Variants in FGF9 observed in about 807,000 individuals in gnomAD.
FGF9 encodes fibroblast growth factor 9.
Under a neutral mutation model 19.9 loss-of-function variants are expected in FGF9, and 3 were observed. The observed-to-expected ratio is 0.15, with a 90% CI of 0.07 to 0.39. The LOEUF is 0.39. Among genes scored for constraint, FGF9 ranks in the 10% least tolerant of loss-of-function variants. The pLI, the probability that FGF9 is intolerant of heterozygous loss-of-function variation, is 1.00. For synonymous variants in FGF9, 107 were observed against 106.9 expected, an observed-to-expected ratio of 1.00 and a Z score of -0.01; for missense variants, 175 against 256.8, an observed-to-expected ratio of 0.68 and a Z score of 2.18.
intron 2 of FGF9, among the ~76,000 whole-genome samples, chr13:21,692,524 C>A (rs1358986636): frequency 6.6e-6 from 1 of 152,226 alleles, no homozygotes; most frequent in African/African-American, 2.4e-5. Context: ...ACTGGCCCTG[C>A]AGCCATGGGC....
At position 21,701,577 on chromosome 13, in the gene FGF9, C is replaced by T; in HGVS notation, c.*142C>T. On this transcript the variant is annotated 3_prime_UTR_variant, in exon 3 of 3. Coordinates refer to ENST00000382353, the MANE Select transcript of FGF9 (RefSeq NM_002010.3). ...TCGCATGCATAATGTATGATGGAGG[C>T]TTGGATGGGAATATGCTGATTTTGT... 1 of 1,186,600 alleles carries T rather than the reference C, an allele frequency of 8.4e-7. No homozygotes were observed. Among genetic ancestry groups the T allele is most frequent in the Non-Finnish European group, 1.2e-6 (1 of 810,624 alleles). 73.5% of individuals were successfully genotyped at this position (1,186,600 alleles called of 1,614,324 possible).
intron 1 of FGF9, among the ~76,000 whole-genome samples, chr13:21,674,633 A>C (rs1415398226): frequency 2.0e-5 from 3 of 151,722 alleles, no homozygotes; most frequent in Non-Finnish European, 2.9e-5. Context: ...GTGCAGCACG[A>C]CTGGGCCCTG....
rs900839325 is a variant in FGF9, at chr13:21,671,465, G to C, written c.-448G>C. The C allele has an allele frequency of 4.6e-6, 2 of 434,618 alleles. No individual in the cohort carries two copies. Among genetic ancestry groups the C allele is most frequent in the Non-Finnish European group, 8.1e-6 (2 of 247,554 alleles). 26.9% of individuals were successfully genotyped at this position (434,618 alleles called of 1,614,324 possible). Reference sequence around the variant, plus strand: ...GCATGCCTTCCTGGAGTCAGGATCCGTAAATTCTGACGTAGCCCGTGCATC... The same window carrying C: ...GCATGCCTTCCTGGAGTCAGGATCCCTAAATTCTGACGTAGCCCGTGCATC... On this transcript the variant is annotated 5_prime_UTR_variant, in exon 1 of 3. Coordinates refer to ENST00000382353, the MANE Select transcript of FGF9 (RefSeq NM_002010.3).
At chr13:21,682,232 T>C (rs1449319549) in intron 2 of FGF9, among the ~76,000 whole-genome samples, 1 of 152,078 alleles carries the variant, frequency 6.6e-6, no homozygotes, top group Non-Finnish European at 1.5e-5. Context: ...AGGCTGGTCT[T>C]GAACTCCTGG....
At position 21,701,495 on chromosome 13, in the gene FGF9, G is replaced by T; in HGVS notation, c.*60G>T. ...GTAACCACTATAAAGGTTTCACGCG[G>T]TGGGTTCTTATTGATTCGCTGTGTC... On this transcript the variant is annotated 3_prime_UTR_variant, in exon 3 of 3. Transcript: ENST00000382353. 1.9e-6 allele frequency: 3 copies of T among 1,612,158 alleles called. No homozygotes were observed. Among genetic ancestry groups the T allele is most frequent in the Non-Finnish European group, 2.5e-6 (3 of 1,178,752 alleles).
chr13:21,676,910 A>C (rs1871929254), intron 1 of FGF9, among the ~76,000 whole-genome samples: 1 of 152,092 alleles, frequency 6.6e-6, no homozygotes, highest in Non-Finnish European at 1.5e-5. Flanking sequence ...GTCCATGTGA[A>C]CAGAACTGGG....
intron 2 of FGF9, among the ~76,000 whole-genome samples, chr13:21,682,542 T>C (rs1283115094): frequency 6.6e-6 from 1 of 152,192 alleles, no homozygotes; most frequent in South Asian, 2.1e-4. Flanking sequence ...GGATTGACTT[T>C]AGCTTTTTAA....
At chr13:21,684,086 C>T (rs532056913) in intron 2 of FGF9, among the ~76,000 whole-genome samples, 21 of 152,228 alleles carry the variant, frequency 1.4e-4, no homozygotes, top group Non-Finnish European at 2.9e-4. Context: ...ATGCCTTTCT[C>T]TTGCCTTCTC....
Position 21,671,566 on chromosome 13 carries a change from A to G in FGF9, c.-347A>G. ...TGATCTCAAACCAAATGGAGAAACTACGGATTTTTTTTCCTTATTACGGTC... is the reference window on the plus strand; with the variant it reads ...TGATCTCAAACCAAATGGAGAAACTGCGGATTTTTTTTCCTTATTACGGTC... On this transcript the variant is annotated 5_prime_UTR_variant, in exon 1 of 3. Coordinates refer to ENST00000382353, the MANE Select transcript of FGF9 (RefSeq NM_002010.3). 1 of 499,544 alleles carries G rather than the reference A, an allele frequency of 2.0e-6. No homozygotes were observed. Among genetic ancestry groups the G allele is most frequent in the Non-Finnish European group, 3.5e-6 (1 of 285,584 alleles). 30.9% of individuals were successfully genotyped at this position (499,544 alleles called of 1,614,324 possible).
intron 2 of FGF9, among the ~76,000 whole-genome samples, chr13:21,689,447 T>C (rs1359074869): frequency 1.5e-5 from 2 of 135,880 alleles, no homozygotes; most frequent in Non-Finnish European, 3.4e-5. Context: ...TCCCAAATCA[T>C]CTTTTTTTTT....
intron 2 of FGF9, 77 bp downstream of exon 2, chr13:21,681,222 G>A: frequency 8.9e-7 from 1 of 1,118,426 alleles, no homozygotes; most frequent in Non-Finnish European, 1.4e-6. Flanking sequence ...GGATTAAAAA[G>A]GGCCAGAAAT....
At chr13:21,699,864 C>G (rs1187381878) in intron 2 of FGF9, among the ~76,000 whole-genome samples, 2 of 152,102 alleles carry the variant, frequency 1.3e-5, no homozygotes, top group Admixed American at 1.3e-4. Context: ...TTCGTGTTTA[C>G]TGTTTTAAAC....
intron 2 of FGF9, among the ~76,000 whole-genome samples, chr13:21,695,144 A>AC (rs1872378837): frequency 1.3e-5 from 2 of 151,936 alleles, no homozygotes; most frequent in African/African-American, 4.8e-5. Context: ...CCTGGGACCC[A>AC]TATCATTGAG....
chr13:21,678,167 G>C (rs1360318847), intron 1 of FGF9, among the ~76,000 whole-genome samples: 1 of 152,156 alleles, frequency 6.6e-6, no homozygotes, highest in East Asian at 1.9e-4. Flanking sequence ...GAATGAAAAA[G>C]TGAACGAATA....
chr13:21,677,346 T>G (rs1316935727), intron 1 of FGF9, among the ~76,000 whole-genome samples: 1 of 152,224 alleles, frequency 6.6e-6, no homozygotes, highest in Non-Finnish European at 1.5e-5. Context: ...GCTCTTTCCT[T>G]CTTTCCCTTT....
At chr13:21,675,187 C>A (rs1021003423) in intron 1 of FGF9, among the ~76,000 whole-genome samples, 1 of 151,810 alleles carries the variant, frequency 6.6e-6, no homozygotes, top group Non-Finnish European at 1.5e-5. Context: ...CTGTGCCACT[C>A]ACTCTGGCTG....
At chr13:21,678,278 T>A (rs1052883062) in intron 1 of FGF9, among the ~76,000 whole-genome samples, 4 of 152,216 alleles carry the variant, frequency 2.6e-5, no homozygotes, top group African/African-American at 9.7e-5. Flanking sequence ...AACTCAGCTA[T>A]ATGAAAATGG....
rs545048910 is a variant in FGF9 at position 21,699,063 on chromosome 13, T to C, written c.382-2127T>C. On this transcript the variant is annotated intron_variant, in intron 2 of 2. Transcript: ENST00000382353. ...ACACTTAAACTTCTATCCGTTTCAA[T>C]AGAGATGAGAGGGAAGTCACATTCA... 6.6e-5 allele frequency among the ~76,000 whole-genome samples: 10 copies of C among 152,304 alleles called. No individual in the cohort carries two copies. In the East Asian group the frequency reaches 1.9e-3, roughly 29 times the overall value.
intron 1 of FGF9, among the ~76,000 whole-genome samples, chr13:21,680,798 T>A (rs1173137879): frequency 6.6e-6 from 1 of 152,156 alleles, no homozygotes; most frequent in Non-Finnish European, 1.5e-5. Context: ...TTTTAAAATG[T>A]TTTGTTTTTT....
Sources: gnomAD v4.1 joint callset for allele counts (sites outside exome capture counted in the v4.1 genomes callset) on GRCh38, gnomAD v4.1.1 for gene constraint, MANE v1.5 for transcripts, NCBI Gene and HGNC (gene_info 2026-07-23, HGNC 2026-07-21) for gene names.